The following PDSS2 variants were observed in gnomAD, a reference collection of about 807,000 sequenced individuals.
The protein encoded by PDSS2 is all trans-polyprenyl-diphosphate synthase PDSS2.
A neutral mutation model predicts 44.5 loss-of-function variants in PDSS2; 31 were observed. The observed-to-expected ratio is 0.70, with a 90% confidence interval of 0.52 to 0.94. PDSS2 has a LOEUF of 0.94. Among genes scored for constraint, PDSS2 ranks in the 40% least tolerant of loss-of-function variants. PDSS2 has a pLI of 0.00. For synonymous variants in PDSS2, 157 were observed against 180.3 expected (o/e 0.87, Z 1.03); for missense variants, 452 against 482.2 (o/e 0.94, Z 0.59).
chr6:107,438,459 C>T (rs1230133514), intron 1 of PDSS2, among the ~76,000 whole-genome samples: 3 of 152,146 alleles, frequency 2.0e-5, no homozygotes, highest in Non-Finnish European at 4.4e-5. Context: ...AAGCAATCTA[C>T]GCGCCTCGGC....
chr6:107,368,084 C>T (rs1458463842), intron 1 of PDSS2, among the ~76,000 whole-genome samples: 2 of 151,852 alleles, frequency 1.3e-5, no homozygotes, highest in Non-Finnish European at 2.9e-5. Flanking sequence ...TCTTGGCCAA[C>T]ATGGTGAAAC....
chr6:107,404,254 T>C (rs1375807392), intron 1 of PDSS2, among the ~76,000 whole-genome samples: 2 of 152,218 alleles, frequency 1.3e-5, no homozygotes, highest in South Asian at 2.1e-4. Context: ...TCCATAGCAC[T>C]ATCAGCATTT....
chr6:107,249,821 AATT>A (rs1481160272), intron 3 of PDSS2, among the ~76,000 whole-genome samples: 1 of 152,146 alleles, frequency 6.6e-6, no homozygotes, highest in African/African-American at 2.4e-5. Context: ...TTCTCAAGCA[AATT>A]GTTGATCACT....
chr6:107,452,444 C>A (rs1158592231), intron 1 of PDSS2, among the ~76,000 whole-genome samples: 1 of 151,946 alleles, frequency 6.6e-6, no homozygotes, highest in African/African-American at 2.4e-5. Context: ...GTTAGCCAGG[C>A]TGGCCTCAAA....
At chr6:107,161,482 G>GAAA (rs529825329) in intron 7 of PDSS2, among the ~76,000 whole-genome samples, 6 of 119,708 alleles carry the variant, frequency 5.0e-5, no homozygotes, top group South Asian at 2.8e-4. Context: ...TCCGTCTCAG[G>GAAA]AAAAAAAAAA....
intron 1 of PDSS2, among the ~76,000 whole-genome samples, chr6:107,353,424 T>C (rs963554567): frequency 6.6e-6 from 1 of 152,232 alleles, no homozygotes; most frequent in Non-Finnish European, 1.5e-5. Flanking sequence ...TAAAAAGTCA[T>C]AACCATTCTA....
intron 2 of PDSS2, among the ~76,000 whole-genome samples, chr6:107,333,403 A>G (rs1270528443): frequency 1.3e-5 from 2 of 152,204 alleles, no homozygotes; most frequent in African/African-American, 4.8e-5. Context: ...AATGAGTAAT[A>G]CATACTTACA....
intron 1 of PDSS2, among the ~76,000 whole-genome samples, chr6:107,421,544 A>C (rs1780822853): frequency 6.6e-6 from 1 of 152,144 alleles, no homozygotes; most frequent in African/African-American, 2.4e-5. Context: ...TAGGTGGATC[A>C]CAAGGACATT....
At chr6:107,318,139 T>A (rs558999273) in intron 2 of PDSS2, among the ~76,000 whole-genome samples, 21 of 152,280 alleles carry the variant, frequency 1.4e-4, no homozygotes, top group African/African-American at 4.8e-4. Flanking sequence ...GACGCTTTTT[T>A]AAACAGGGGT....
chr6:107,198,389 A>G (rs1196321436), intron 6 of PDSS2, among the ~76,000 whole-genome samples: 2 of 152,232 alleles, frequency 1.3e-5, no homozygotes, highest in African/African-American at 4.8e-5. Flanking sequence ...TGAACATGCA[A>G]CTATTGATAT....
chr6:107,363,069 A>G (rs937207763), intron 1 of PDSS2, among the ~76,000 whole-genome samples: 11 of 152,264 alleles, frequency 7.2e-5, no homozygotes, highest in African/African-American at 2.7e-4. Flanking sequence ...GGTGTCATTA[A>G]GAGTATCAGA....
At chr6:107,157,132 C>G (rs2115092714) in intron 7 of PDSS2, among the ~76,000 whole-genome samples, 1 of 152,222 alleles carries the variant, frequency 6.6e-6, no homozygotes. Flanking sequence ...ATTTAAGTCC[C>G]TTGCCAAGCT....
chr6:107,353,827 T>G (rs554199115), intron 1 of PDSS2, among the ~76,000 whole-genome samples: 39 of 152,274 alleles, frequency 2.6e-4, no homozygotes, highest in Non-Finnish European at 4.6e-4. Flanking sequence ...ACTGGAAAAT[T>G]TAAAATGTAT....
At chr6:107,326,678 C>G (rs1276756602) in intron 2 of PDSS2, among the ~76,000 whole-genome samples, 2 of 151,584 alleles carry the variant, frequency 1.3e-5, no homozygotes, top group East Asian at 2.0e-4. Flanking sequence ...ACGGTGAAAC[C>G]CTGTCTCTAC....
chr6:107,156,110 C>T (rs929681770), intron 7 of PDSS2, among the ~76,000 whole-genome samples: 9 of 151,212 alleles, frequency 6.0e-5, no homozygotes, highest in East Asian at 3.9e-4. Flanking sequence ...GGCTGGTCTC[C>T]GTCTCCAGAC....
intron 1 of PDSS2, among the ~76,000 whole-genome samples, chr6:107,417,755 A>G (rs983257087): frequency 2.7e-5 from 4 of 147,222 alleles, no homozygotes; most frequent in South Asian, 4.3e-4. Context: ...GTGAGACCCT[A>G]TCTTCAAAAA....
intron 1 of PDSS2, among the ~76,000 whole-genome samples, chr6:107,369,438 A>G (rs1181062098): frequency 6.6e-6 from 1 of 152,020 alleles, no homozygotes; most frequent in Non-Finnish European, 1.5e-5. Flanking sequence ...AATAAAATAA[A>G]AAACTAAAAA....
At chr6:107,310,407 C>T (rs1353742148) in intron 2 of PDSS2, among the ~76,000 whole-genome samples, 1 of 151,712 alleles carries the variant, frequency 6.6e-6, no homozygotes, top group African/African-American at 2.4e-5. Flanking sequence ...TAAAAGTAAT[C>T]ACCATGCCCA....
At position 107,334,183 on chromosome 6, in the gene PDSS2, C is replaced by T. The variant is rs776473277; in HGVS notation, c.431+15G>A. The T allele has an allele frequency of 6.2e-7, 1 of 1,612,472 alleles. No individual in the cohort carries two copies. The highest frequency in any genetic ancestry group is 8.5e-7 in the Non-Finnish European group (1 of 1,178,804). Reference sequence around the variant, plus strand: ...CGATGTAGAGAGCAATGTCAAAAGACTAAATTCTTCTTACCATGAGTAGAT... The same window carrying T: ...CGATGTAGAGAGCAATGTCAAAAGATTAAATTCTTCTTACCATGAGTAGAT... On this transcript the variant is annotated intron_variant, in intron 2 of 7. Coordinates refer to ENST00000369037, the MANE Select transcript of PDSS2 (RefSeq NM_020381.4).
Sources: allele counts gnomAD v4.1 joint callset (sites outside exome capture counted in the v4.1 genomes callset), GRCh38; gene constraint gnomAD v4.1.1; transcripts MANE v1.5; gene names NCBI Gene and HGNC (gene_info 2026-07-23, HGNC 2026-07-21).